Variants in SYNE1 observed in about 807,000 individuals in gnomAD.
SYNE1 encodes the protein nesprin-1.
A neutral mutation model predicts 1,111.0 loss-of-function variants in SYNE1; 616 were observed. The ratio of observed to expected loss-of-function variants is 0.55; its 90% CI spans 0.52 to 0.59. The LOEUF is 0.59. Ranked by LOEUF, SYNE1 falls within the 20% of genes least tolerant of loss-of-function variation. The probability of loss-of-function intolerance (pLI) is 0.00; values close to 1 mark genes in which losing one functional copy is unlikely to be tolerated. For missense variants in SYNE1, 10,006 were observed against 10,417.0 expected, an observed-to-expected ratio of 0.96 and a Z score of 1.72; for synonymous variants, 3,855 against 3,825.8, an observed-to-expected ratio of 1.01 and a Z score of -0.28.
At chr6:152,265,377 A>G (rs1044772909) in intron 100 of SYNE1, among the ~76,000 whole-genome samples, 6 of 152,182 alleles carry the variant, frequency 3.9e-5, no homozygotes, top group African/African-American at 1.2e-4. Context: ...ATATATCTCA[A>G]AAAATAATGG....
At chr6:152,502,583 G>A (rs2099035523) in intron 10 of SYNE1, 50 bp downstream of exon 10, 3 of 1,368,906 alleles carry the variant, frequency 2.2e-6, no homozygotes, top group Non-Finnish European at 3.1e-6. Flanking sequence ...AAAAAGCTGA[G>A]TCACTGTCAT....
chr6:152,318,271 G>T lies in SYNE1; in HGVS notation c.16390-8C>A. 1.9e-6 allele frequency: 3 copies of T among 1,614,006 alleles called. No homozygotes were observed. The highest frequency in any genetic ancestry group is 2.2e-5 in the East Asian group (1 of 44,878). On this transcript the variant is annotated splice_polypyrimidine_tract_variant and splice_region_variant and intron_variant, in intron 85 of 145. Transcript: ENST00000367255. ...TAATTCCTCTCCCAGCACCTTGATGGTCACCAAAATGAAAGAACATTAGAG... is the reference window on the plus strand; with the variant it reads ...TAATTCCTCTCCCAGCACCTTGATGTTCACCAAAATGAAAGAACATTAGAG...
intron 3 of SYNE1, among the ~76,000 whole-genome samples, chr6:152,623,911 T>C (rs2099680825): frequency 6.9e-6 from 1 of 144,574 alleles, no homozygotes; most frequent in Non-Finnish European, 1.5e-5. Flanking sequence ...CATTTGACTT[T>C]TCAGTATACT....
At chr6:152,324,940 T>A in intron 81 of SYNE1, 144 bp downstream of exon 81, 1 of 965,680 alleles carries the variant, frequency 1.0e-6, no homozygotes, top group African/African-American at 1.6e-5. Context: ...TTTCATAACT[T>A]AATTTTTATG....
chr6:152,595,558 T>C (rs73005839), intron 3 of SYNE1, among the ~76,000 whole-genome samples: 2,691 of 152,324 alleles, frequency 0.018, 43 homozygotes, highest in Middle Eastern at 0.078. Flanking sequence ...AATGAATAAA[T>C]GAGCAATCTG....
At chr6:152,282,014 G>C in intron 96 of SYNE1, 34 bp from the exon 97 acceptor site, 1 of 1,604,284 alleles carries the variant, frequency 6.2e-7, no homozygotes, top group South Asian at 1.1e-5. Flanking sequence ...TATAGATCAC[G>C]CTAAGGTAAA....
Position 152,416,530 on chromosome 6 carries a change from CT to C in SYNE1, c.5906del (p.Lys1969SerfsTer11). On this transcript the variant is annotated frameshift_variant, in exon 41 of 146. Coordinates refer to ENST00000367255, the MANE Select transcript of SYNE1 (RefSeq NM_182961.4). LOFTEE classifies it high-confidence loss of function. ...CTGCCAGAGCATCTGCCTCACTCTG[CT>C]TGGTTCCCAGAAGGTTCTGGATCCT... ...VERIQNLLGT[K>X]QSEADALAVL... The C allele has an allele frequency of 6.2e-7, 1 of 1,614,054 alleles. No homozygotes were observed. The highest frequency in any genetic ancestry group is 8.5e-7 in the Non-Finnish European group (1 of 1,180,022).
chr6:152,218,150 C>T, intron 121 of SYNE1, 107 bp downstream of exon 121: 3 of 1,331,900 alleles, frequency 2.3e-6, no homozygotes, highest in Non-Finnish European at 2.1e-6. Context: ...CGAGATCACA[C>T]CACGGCACTC....
intron 59 of SYNE1, among the ~76,000 whole-genome samples, chr6:152,371,905 AAGGAAAGGAAAGGAAAGGAC>A (rs1563461879): frequency 0.024 from 1,282 of 52,442 alleles, 123 homozygotes; most frequent in South Asian, 0.049. Context: ...AAGGAAAGGA[AAGGAAAGGAAAGGAAAGGAC>A]AGGACAGGAC....
chr6:152,517,990 G>T (rs996197044), intron 6 of SYNE1, among the ~76,000 whole-genome samples: 1 of 151,546 alleles, frequency 6.6e-6, no homozygotes, highest in East Asian at 1.9e-4. Flanking sequence ...CAGGATGGGG[G>T]TGGGGCACAA....
At chr6:152,302,309 T>A in intron 91 of SYNE1, 1 of 584,500 alleles carries the variant, frequency 1.7e-6, no homozygotes, top group Non-Finnish European at 3.1e-6. Context: ...AAAGGAGAAA[T>A]GAGGGGATGA....
intron 132 of SYNE1, 123 bp downstream of exon 132, chr6:152,155,787 G>A: frequency 8.5e-7 from 1 of 1,182,544 alleles, no homozygotes; most frequent in Admixed American, 2.0e-5. Context: ...GTAAGTTTGG[G>A]AAGCCACAGC....
At chr6:152,145,562 A>T (rs1400394438) in intron 137 of SYNE1, 4 of 1,613,672 alleles carry the variant, frequency 2.5e-6, no homozygotes, top group Middle Eastern at 1.7e-4. Flanking sequence ...ACATCTGCAA[A>T]AAAAGCACAG....
Position 152,385,788 on chromosome 6 carries a change from T to C in SYNE1, c.8538A>G (p.Leu2846=), listed in dbSNP as rs903265999. 17 of 1,614,176 alleles carry C rather than the reference T, an allele frequency of 1.1e-5. No homozygotes were observed. Among genetic ancestry groups the C allele is most frequent in the Non-Finnish European group, 1.4e-5 (16 of 1,180,002 alleles). The part of the protein sequence containing the change: ...EEIVKDHLMY[L]DAVHEFTDWL... Reference sequence around the variant, plus strand: ...AATCTGTGAACTCGTGGACCGCATCTAAATACATTAGATGATCTTTCACAA... The same window carrying C: ...AATCTGTGAACTCGTGGACCGCATCCAAATACATTAGATGATCTTTCACAA... The change falls in exon 55 of 146, where the codon TTA becomes TTG. Residue 2846 remains leucine (L), a synonymous_variant. Coordinates refer to ENST00000367255, the MANE Select transcript of SYNE1 (RefSeq NM_182961.4).
At chr6:152,179,925 T>C (rs1242665354) in intron 129 of SYNE1, among the ~76,000 whole-genome samples, 4 of 151,862 alleles carry the variant, frequency 2.6e-5, no homozygotes, top group Non-Finnish European at 5.9e-5. Flanking sequence ...CCTCATGATC[T>C]GCCCACCTCA....
intron 93 of SYNE1, among the ~76,000 whole-genome samples, chr6:152,298,771 C>T (rs2095021357): frequency 1.3e-5 from 2 of 151,942 alleles, no homozygotes; most frequent in Admixed American, 6.6e-5. Flanking sequence ...TCATTGTCTT[C>T]TAACTGACAT....
chr6:152,533,709 T>C (rs2099217372), intron 4 of SYNE1, among the ~76,000 whole-genome samples: 1 of 152,140 alleles, frequency 6.6e-6, no homozygotes, highest in African/African-American at 2.4e-5. Flanking sequence ...CTTGATCTTC[T>C]TTACTGTCCA....
chr6:152,269,812 T>C (rs956685508), intron 98 of SYNE1, among the ~76,000 whole-genome samples: 2 of 152,188 alleles, frequency 1.3e-5, no homozygotes, highest in African/African-American at 4.8e-5. Context: ...TTTTAATGTC[T>C]TTGAGAAGCA....
At chr6:152,421,797 C>T (rs967048120) in intron 39 of SYNE1, among the ~76,000 whole-genome samples, 4 of 151,774 alleles carry the variant, frequency 2.6e-5, no homozygotes, top group Admixed American at 6.6e-5. Flanking sequence ...TCTCTGCCTC[C>T]CAGATTCAAG....
Sources: allele counts gnomAD v4.1 joint callset (sites outside exome capture counted in the v4.1 genomes callset), GRCh38; gene constraint gnomAD v4.1.1; transcripts MANE v1.5; gene names NCBI Gene and HGNC (gene_info 2026-07-23, HGNC 2026-07-21).